GSG1L: variants seen among roughly 807,000 people sequenced by gnomAD.
GSG1L encodes GSG1 like, also known as germ cell-specific gene 1-like protein.
A neutral mutation model predicts 42.1 loss-of-function variants in GSG1L; 24 were observed. The observed-to-expected ratio is 0.57, with a 90% CI of 0.41 to 0.80. The LOEUF is 0.80. Among genes scored for constraint, GSG1L ranks in the 30% least tolerant of loss-of-function variants. The pLI, the probability that GSG1L is intolerant of heterozygous loss-of-function variation, is 0.00. For synonymous variants in GSG1L, 215 were observed against 203.5 expected, an observed-to-expected ratio of 1.06 and a Z score of -0.48; for missense variants, 445 against 472.2, an observed-to-expected ratio of 0.94 and a Z score of 0.53.
chr16:27,862,808 C>T (rs867414195), intron 3 of GSG1L, among the ~76,000 whole-genome samples: 19 of 152,218 alleles, frequency 1.2e-4, no homozygotes, highest in African/African-American at 3.1e-4. Context: ...CACAGACACA[C>T]GCATGACACA....
At chr16:27,922,994 C>T (rs370577055) in intron 2 of GSG1L, among the ~76,000 whole-genome samples, 9 of 152,158 alleles carry the variant, frequency 5.9e-5, no homozygotes, top group African/African-American at 1.9e-4. Flanking sequence ...CACTATATTG[C>T]CCAGGCTGGT....
intron 2 of GSG1L, among the ~76,000 whole-genome samples, chr16:27,948,222 G>C (rs1306533457): frequency 6.6e-6 from 1 of 152,164 alleles, no homozygotes; most frequent in South Asian, 2.1e-4. Flanking sequence ...ACATGATCTT[G>C]GTTGGGAAAG....
At chr16:28,048,306 AC>A (rs1290114316) in intron 1 of GSG1L, among the ~76,000 whole-genome samples, 1 of 152,196 alleles carries the variant, frequency 6.6e-6, no homozygotes, top group Non-Finnish European at 1.5e-5. Flanking sequence ...CAGGGAATGT[AC>A]CTGCTTTTTC....
At chr16:28,058,950 G>C (rs1247031212) in intron 1 of GSG1L, among the ~76,000 whole-genome samples, 1 of 152,202 alleles carries the variant, frequency 6.6e-6, no homozygotes, top group East Asian at 1.9e-4. Context: ...CACATCTAAC[G>C]ATGACTCGGA....
intron 2 of GSG1L, among the ~76,000 whole-genome samples, chr16:27,916,180 A>G (rs1047413545): frequency 1.3e-5 from 2 of 151,938 alleles, no homozygotes; most frequent in African/African-American, 4.8e-5. Context: ...TATAATTCAC[A>G]CTCCAGAGCT....
At chr16:28,011,086 T>G (rs1596698985) in intron 1 of GSG1L, among the ~76,000 whole-genome samples, 1 of 152,210 alleles carries the variant, frequency 6.6e-6, no homozygotes, top group Admixed American at 6.5e-5. Flanking sequence ...CACGCCCAGA[T>G]GGCTGTTTAG....
intron 4 of GSG1L, among the ~76,000 whole-genome samples, chr16:27,840,333 C>G (rs907868736): frequency 6.6e-6 from 1 of 152,122 alleles, no homozygotes; most frequent in African/African-American, 2.4e-5. Context: ...CTTTGCCCAG[C>G]CCCTCTCCCA....
At chr16:28,062,461 G>T (rs2086352824) in intron 1 of GSG1L, among the ~76,000 whole-genome samples, 1 of 152,202 alleles carries the variant, frequency 6.6e-6, no homozygotes, top group South Asian at 2.1e-4. Context: ...GGATACAGAG[G>T]GCTCCCTGGC....
At chr16:27,848,714 TG>T (rs571983792) in intron 3 of GSG1L, among the ~76,000 whole-genome samples, 1 of 151,446 alleles carries the variant, frequency 6.6e-6, no homozygotes, top group South Asian at 2.1e-4. Flanking sequence ...TCCTTGGAGG[TG>T]GGGGGCACTT....
intron 3 of GSG1L, among the ~76,000 whole-genome samples, chr16:27,861,778 C>T (rs1244674337): frequency 6.6e-6 from 1 of 152,192 alleles, no homozygotes; most frequent in Non-Finnish European, 1.5e-5. Context: ...AGCCATTCTT[C>T]CCCCAGACAC....
At chr16:27,810,949 A>G (rs937566798) in intron 5 of GSG1L, among the ~76,000 whole-genome samples, 11 of 152,166 alleles carry the variant, frequency 7.2e-5, no homozygotes, top group African/African-American at 2.7e-4. Flanking sequence ...TGGCCTCCCA[A>G]AGTGCTGGAA....
chr16:27,830,608 G>T (rs2083264044), intron 4 of GSG1L, among the ~76,000 whole-genome samples: 1 of 152,102 alleles, frequency 6.6e-6, no homozygotes, highest in African/African-American at 2.4e-5. Context: ...ACAGTTTTAG[G>T]ATATCAGCCC....
At position 27,961,805 on chromosome 16, in the gene GSG1L, G is replaced by T. The variant is rs535555080; in HGVS notation, c.397+1351C>A. ...GGGACATCAAAGAAATGGAGGAGGC[G>T]GTCCTGACTGCCAAGAGGCTGCTGG... is the stretch of plus-strand genomic sequence containing the variant. On this transcript the variant is annotated intron_variant, in intron 2 of 6. Coordinates refer to ENST00000447459, the MANE Select transcript of GSG1L (RefSeq NM_001109763.2). Among the ~76,000 whole-genome samples the T allele has an allele frequency of 2.6e-5, 4 of 152,254 alleles. No individual in the cohort carries two copies. In the South Asian group the frequency reaches 8.3e-4, roughly 32 times the overall value.
chr16:27,951,564 C>T (rs548005090), intron 2 of GSG1L, among the ~76,000 whole-genome samples: 1 of 152,178 alleles, frequency 6.6e-6, no homozygotes, highest in African/African-American at 2.4e-5. Context: ...TGGAGGGTTC[C>T]CCAGACAGCC....
rs2086352438 is a variant in GSG1L, at chr16:28,062,432, C to G, written c.349+644G>C. 2.0e-5 allele frequency among the ~76,000 whole-genome samples: 3 copies of G among 152,364 alleles called. No individual in the cohort carries two copies. In the East Asian group the frequency reaches 5.8e-4, roughly 29 times the overall value. ...AGCTGTCCCCAGTTCCCTAGCCTGC[C>G]TCTCCCAGGAGGGGGCCAGGATACA... On this transcript the variant is annotated intron_variant, in intron 1 of 6. Transcript: ENST00000447459.
At chr16:27,791,781 G>A (rs1280592433) in intron 6 of GSG1L, among the ~76,000 whole-genome samples, 2 of 151,766 alleles carry the variant, frequency 1.3e-5, no homozygotes, top group African/African-American at 4.8e-5. Context: ...CCAACCCACA[G>A]CCCAGAACCC....
At chr16:27,918,689 G>C in intron 2 of GSG1L, among the ~76,000 whole-genome samples, 1 of 151,134 alleles carries the variant, frequency 6.6e-6, no homozygotes. Flanking sequence ...GAAAGAAAAA[G>C]AAAAAAAAGA....
At chr16:27,825,456 C>T (rs1022666885) in intron 5 of GSG1L, among the ~76,000 whole-genome samples, 14 of 152,106 alleles carry the variant, frequency 9.2e-5, no homozygotes, top group African/African-American at 2.2e-4. Flanking sequence ...GGATTGCTTG[C>T]GGCTAGGAGT....
At chr16:27,799,057 C>A (rs2082852041) in intron 6 of GSG1L, among the ~76,000 whole-genome samples, 1 of 152,150 alleles carries the variant, frequency 6.6e-6, no homozygotes, top group Non-Finnish European at 1.5e-5. Context: ...AATGCAGCAA[C>A]AAGGTCCCTG....
Sources: gnomAD v4.1 joint callset for allele counts (sites outside exome capture counted in the v4.1 genomes callset) on GRCh38, gnomAD v4.1.1 for gene constraint, MANE v1.5 for transcripts, NCBI Gene and HGNC (gene_info 2026-07-23, HGNC 2026-07-21) for gene names.